The following FAM171A1 variants were observed in gnomAD, a reference collection of about 807,000 sequenced individuals.
FAM171A1 encodes family with sequence similarity 171 member A1.
FAM171A1 carries 23 observed loss-of-function variants against 74.9 expected under a neutral mutation model. That is an observed-to-expected ratio of 0.31 (90% CI 0.22 to 0.44). The LOEUF is 0.44. Among genes scored for constraint, FAM171A1 ranks in the 20% least tolerant of loss-of-function variants. The probability of loss-of-function intolerance (pLI) is 1.00; values close to 1 mark genes in which losing one functional copy is unlikely to be tolerated. For synonymous variants in FAM171A1, 527 were observed against 505.7 expected, an observed-to-expected ratio of 1.04 and a Z score of -0.57; for missense variants, 1,162 against 1,159.2, an observed-to-expected ratio of 1.00 and a Z score of -0.03.
intron 1 of FAM171A1, among the ~76,000 whole-genome samples, chr10:15,331,314 C>T (rs11259606): frequency 0.031 from 4,655 of 152,280 alleles, 101 homozygotes; most frequent in Non-Finnish European, 0.045. Flanking sequence ...AAGTTGAATA[C>T]TTTCCTCAAA....
intron 5 of FAM171A1, among the ~76,000 whole-genome samples, chr10:15,223,803 G>A (rs956025963): frequency 6.6e-6 from 1 of 152,204 alleles, no homozygotes; most frequent in African/African-American, 2.4e-5. Flanking sequence ...GGTGGCTGAG[G>A]CAGGAGAATC....
chr10:15,354,801 C>A (rs1158923349), intron 1 of FAM171A1, among the ~76,000 whole-genome samples: 1 of 152,146 alleles, frequency 6.6e-6, no homozygotes, highest in Admixed American at 6.6e-5. Flanking sequence ...ATGGTACAAG[C>A]AGAGGAAATA....
chr10:15,239,541 G>A (rs944767416), intron 5 of FAM171A1, among the ~76,000 whole-genome samples: 3 of 152,132 alleles, frequency 2.0e-5, no homozygotes, highest in Admixed American at 2.0e-4. Flanking sequence ...GACCTCAAGT[G>A]ATCTGCCCAC....
At chr10:15,357,937 T>C (rs1205903689) in intron 1 of FAM171A1, among the ~76,000 whole-genome samples, 1 of 152,210 alleles carries the variant, frequency 6.6e-6, no homozygotes, top group Non-Finnish European at 1.5e-5. Flanking sequence ...AGTTCAAAAT[T>C]AGTTTTCTGA....
At chr10:15,334,736 A>C (rs568243537) in intron 1 of FAM171A1, among the ~76,000 whole-genome samples, 1 of 152,310 alleles carries the variant, frequency 6.6e-6, no homozygotes, top group African/African-American at 2.4e-5. Context: ...AGATCTTCTA[A>C]GGCAGGTTCA....
upstream of FAM171A1, among the ~76,000 whole-genome samples, chr10:15,372,690 C>T (rs369644083): frequency 7.7e-6 from 1 of 129,474 alleles, no homozygotes; most frequent in Admixed American, 7.8e-5. Flanking sequence ...CAGACTGAGA[C>T]CCCGTCTCAA....
intron 1 of FAM171A1, among the ~76,000 whole-genome samples, chr10:15,290,055 C>A (rs371057219): frequency 1.3e-5 from 2 of 152,304 alleles, no homozygotes; most frequent in African/African-American, 4.8e-5. Flanking sequence ...TAGTGAAACC[C>A]CGTCTCTACT....
At chr10:15,279,672 C>T (rs1463903395) in intron 2 of FAM171A1, among the ~76,000 whole-genome samples, 1 of 152,120 alleles carries the variant, frequency 6.6e-6, no homozygotes, top group Non-Finnish European at 1.5e-5. Flanking sequence ...GTAATCTCAG[C>T]ACTTTGGGAG....
chr10:15,331,859 G>GTGTATACATATATA (rs60559617), intron 1 of FAM171A1, among the ~76,000 whole-genome samples: 1,461 of 43,746 alleles, frequency 0.033, 69 homozygotes, highest in Non-Finnish European at 0.037. Flanking sequence ...ATATATGTGT[G>GTGTATACATATATA]TATATATATG....
chr10:15,300,619 A>AC (rs1835216888), intron 1 of FAM171A1, among the ~76,000 whole-genome samples: 1 of 126,128 alleles, frequency 7.9e-6, no homozygotes, highest in East Asian at 2.2e-4. Context: ...AAAAAAATAA[A>AC]CAAAAAAAAA....
intron 3 of FAM171A1, among the ~76,000 whole-genome samples, chr10:15,269,100 G>A (rs1430535018): frequency 6.6e-6 from 1 of 151,934 alleles, no homozygotes; most frequent in African/African-American, 2.4e-5. Context: ...TCAGGCCCAT[G>A]ATTTTTTATT....
At chr10:15,270,074 C>T (rs567599823) in intron 3 of FAM171A1, among the ~76,000 whole-genome samples, 22 of 152,252 alleles carry the variant, frequency 1.4e-4, no homozygotes, top group South Asian at 4.2e-4. Flanking sequence ...CGGAGCATGG[C>T]GGAGCATCGC....
rs1311076670 is a variant in FAM171A1 at position 15,371,129 on chromosome 10, C to T, written c.-77G>A. ...GCGGCGCGTCACGGGCGGCCGGGCG[C>T]CGCGCCCCCCTCCATGTCGCTGGCT... On this transcript the variant is annotated 5_prime_UTR_variant, in exon 1 of 8. Transcript: ENST00000378116. 3.5e-6 allele frequency: 2 copies of T among 572,090 alleles called. No homozygotes were observed. The highest frequency in any genetic ancestry group is 2.9e-4 in the East Asian group (2 of 6,932). The allele number at this position is 572,090 out of a possible 1,614,324, so 35.4% of individuals were successfully genotyped here.
intron 1 of FAM171A1, among the ~76,000 whole-genome samples, chr10:15,348,649 A>G (rs1835843762): frequency 6.6e-6 from 1 of 152,154 alleles, no homozygotes; most frequent in African/African-American, 2.4e-5. Flanking sequence ...AACCAGCAGC[A>G]TCAGCCTCAC....
intron 1 of FAM171A1, among the ~76,000 whole-genome samples, chr10:15,330,668 C>T (rs539943104): frequency 2.8e-4 from 42 of 151,870 alleles, no homozygotes; most frequent in Admixed American, 6.6e-4. Flanking sequence ...TCCTGAACAC[C>T]CAGGCAGTTT....
chr10:15,367,107 G>A (rs1012640329), intron 1 of FAM171A1, among the ~76,000 whole-genome samples: 1 of 152,204 alleles, frequency 6.6e-6, no homozygotes, highest in Non-Finnish European at 1.5e-5. Context: ...ACTGAGGCAG[G>A]AGAATGGCGT....
intron 3 of FAM171A1, among the ~76,000 whole-genome samples, chr10:15,264,826 A>G (rs1323679934): frequency 6.6e-6 from 1 of 151,690 alleles, no homozygotes; most frequent in East Asian, 1.9e-4. Flanking sequence ...AGTAAAGACC[A>G]CTATTTATTT....
intron 5 of FAM171A1, among the ~76,000 whole-genome samples, chr10:15,222,308 G>A (rs1026121530): frequency 2.0e-5 from 3 of 152,120 alleles, no homozygotes; most frequent in South Asian, 2.1e-4. Flanking sequence ...ATTGTTCATC[G>A]CTGTGCAAAC....
At chr10:15,311,712 A>T (rs1270296245) in intron 1 of FAM171A1, among the ~76,000 whole-genome samples, 1 of 152,124 alleles carries the variant, frequency 6.6e-6, no homozygotes, top group Non-Finnish European at 1.5e-5. Flanking sequence ...TGCTCTCAAG[A>T]TAAAGAAGGC....
Sources: allele counts gnomAD v4.1 joint callset (sites outside exome capture counted in the v4.1 genomes callset), GRCh38; gene constraint gnomAD v4.1.1; transcripts MANE v1.5; gene names NCBI Gene and HGNC (gene_info 2026-07-23, HGNC 2026-07-21).